FAT3: variants seen among roughly 807,000 people sequenced by gnomAD.
FAT3 encodes the protein FAT atypical cadherin 3.
A neutral mutation model predicts 310.2 loss-of-function variants in FAT3; 95 were observed. The observed-to-expected ratio is 0.31, with a 90% CI of 0.26 to 0.36. The LOEUF is 0.36. FAT3 is among the 10% of genes least tolerant of loss of function. The probability of loss-of-function intolerance (pLI) is 1.00; values close to 1 mark genes in which losing one functional copy is unlikely to be tolerated. For missense variants in FAT3, 5,408 were observed against 5,715.6 expected, an observed-to-expected ratio of 0.95 and a Z score of 1.74; for synonymous variants, 2,314 against 2,192.9, an observed-to-expected ratio of 1.06 and a Z score of -1.54.
intron 1 of FAT3, among the ~76,000 whole-genome samples, chr11:92,260,366 C>T (rs1865497584): frequency 2.0e-5 from 3 of 152,052 alleles, no homozygotes; most frequent in East Asian, 1.9e-4. Context: ...AAATTTTGCC[C>T]TATGGGGAAA....
intron 1 of FAT3, among the ~76,000 whole-genome samples, chr11:92,344,521 T>C (rs1031319522): frequency 1.3e-5 from 2 of 152,202 alleles, no homozygotes; most frequent in African/African-American, 2.4e-5. Context: ...AATTTTAATA[T>C]GCTGGAAAGA....
chr11:92,315,436 AGT>A (rs1352150374), intron 1 of FAT3, among the ~76,000 whole-genome samples: 1 of 129,776 alleles, frequency 7.7e-6, no homozygotes, highest in Non-Finnish European at 1.6e-5. Context: ...GTCAAACCTC[AGT>A]GTGTGTGTGT....
At chr11:92,332,370 C>T (rs1947944440) in intron 1 of FAT3, among the ~76,000 whole-genome samples, 1 of 152,188 alleles carries the variant, frequency 6.6e-6, no homozygotes, top group African/African-American at 2.4e-5. Flanking sequence ...AGAGCCTAGG[C>T]ATTGGAATTA....
chr11:92,789,945 A>T lies in FAT3; in HGVS notation c.4338A>T (p.Val1446=). 1 of 1,613,352 alleles carries T rather than the reference A, an allele frequency of 6.2e-7. No homozygotes were observed. The highest frequency in any genetic ancestry group is 1.3e-5 in the African/African-American group (1 of 75,018). Residue 1446 remains valine, a splice_region_variant and synonymous_variant, in exon 8 of 28, where the codon GTA becomes GTT. Transcript: ENST00000525166. ...TDGTNVAVTQ[V]FIKVLDNNDN... is the part of the protein sequence containing the mutation. ...TTCTTTTCTTCTTTTAACTACAGGT[A>T]TTTATCAAAGTGCTGGATAATAATG...
At chr11:92,339,784 C>T (rs1252869852) in intron 1 of FAT3, among the ~76,000 whole-genome samples, 1 of 151,902 alleles carries the variant, frequency 6.6e-6, no homozygotes, top group Non-Finnish European at 1.5e-5. Flanking sequence ...AGGCCAGTGT[C>T]GCTGGAAAGC....
At chr11:92,454,975 A>C (rs1951460247) in intron 2 of FAT3, among the ~76,000 whole-genome samples, 1 of 152,178 alleles carries the variant, frequency 6.6e-6, no homozygotes, top group Non-Finnish European at 1.5e-5. Flanking sequence ...GAGGTCCCAC[A>C]GTTGTTGGCT....
chr11:92,793,915 A>G (rs1203289191), intron 9 of FAT3, among the ~76,000 whole-genome samples: 3 of 152,178 alleles, frequency 2.0e-5, no homozygotes, highest in African/African-American at 7.2e-5. Flanking sequence ...AATTTTAGAA[A>G]AAGAAAAGCC....
Position 92,353,366 on chromosome 11 carries a change from G to A in FAT3, c.1254G>A (p.Val418=). 1 of 1,613,432 alleles carries A rather than the reference G, an allele frequency of 6.2e-7. No homozygotes were observed. Among genetic ancestry groups the A allele is most frequent in the Admixed American group, 1.7e-5 (1 of 59,868 alleles). The change falls in exon 2 of 28, where the codon GTG becomes GTA. Residue 418 remains valine (V), a synonymous_variant. Transcript: ENST00000525166. The part of the protein sequence containing the change: ...EYKLSPGEDA[V]YFKINPRSGL... ...AATTATCTCCTGGTGAGGATGCAGT[G>A]TACTTTAAAATTAATCCTCGGTCGG...
intron 3 of FAT3, among the ~76,000 whole-genome samples, chr11:92,570,866 G>A (rs1262424361): frequency 6.6e-6 from 1 of 152,098 alleles, no homozygotes; most frequent in Non-Finnish European, 1.5e-5. Flanking sequence ...TGATTTCAGT[G>A]TCAAAGTGTG....
At chr11:92,797,340 A>G (rs1393747007) in intron 9 of FAT3, among the ~76,000 whole-genome samples, 1 of 152,218 alleles carries the variant, frequency 6.6e-6, no homozygotes, top group African/African-American at 2.4e-5. Context: ...CTTTTGGGAT[A>G]ATCAGAAAAC....
chr11:92,325,912 G>A (rs534134727), intron 1 of FAT3, among the ~76,000 whole-genome samples: 1 of 152,356 alleles, frequency 6.6e-6, no homozygotes, highest in East Asian at 1.9e-4. Context: ...TTACAGGCAT[G>A]AGCCACCATA....
chr11:92,564,915 A>C (rs904142599), intron 3 of FAT3, among the ~76,000 whole-genome samples: 1 of 142,640 alleles, frequency 7.0e-6, no homozygotes, highest in African/African-American at 2.5e-5. Context: ...ATAGCACTAA[A>C]TGCCCACAAG....
In FAT3 at chr11:92,352,408, T is replaced by C. The variant is rs1468559059; in HGVS notation, c.296T>C (p.Ile99Thr). ...TTTTTCAAAGCAGAGGAAGTCATCA[T>C]TGCAGATTTCTGTTTTCTCAGAATA... ...EGFFKAEEVI[I>T]ADFCFLRIRT... Residue 99 changes from isoleucine (I) to threonine (T), a missense_variant, in exon 2 of 28, where the codon ATT becomes ACT. Ile to Thr is a moderately conservative substitution (Grantham distance 89). This residue lies in a region of FAT3 where 152 missense variants were observed against 188.3 expected (regional missense o/e 0.81). Transcript: ENST00000525166. 2.5e-6 allele frequency: 4 copies of C among 1,611,676 alleles called. No individual in the cohort carries two copies. The South Asian group carries it at 4.4e-5, about 18-fold the overall frequency.
chr11:92,233,268 T>A (rs991660103), intron 1 of FAT3, among the ~76,000 whole-genome samples: 1 of 152,204 alleles, frequency 6.6e-6, no homozygotes, highest in African/African-American at 2.4e-5. Context: ...TAAGATTTTT[T>A]AATTCCTCAT....
rs2136408849 is a variant in FAT3 at position 92,882,821 on chromosome 11, G to A, written c.12365G>A (p.Cys4122Tyr). The A allele has an allele frequency of 6.2e-7, 1 of 1,611,764 alleles. No homozygotes were observed. Among genetic ancestry groups the A allele is most frequent in the Non-Finnish European group, 8.5e-7 (1 of 1,179,220 alleles). ...GTGAACGTGTTCGGCTCCTTCCTCT[G>A]CAACTGCACGCCGGGCTACGTGGGC... ...SCVNVFGSFL[C>Y]NCTPGYVGQY... The change falls in exon 24 of 28, where the codon TGC (cysteine) becomes TAC (tyrosine). Residue 4122 changes from cysteine to tyrosine, a missense_variant. By Grantham distance (194) the Cys-to-Tyr change is radical. Transcript: ENST00000525166.
At chr11:92,430,769 T>TG (rs899165030) in intron 2 of FAT3, among the ~76,000 whole-genome samples, 1 of 151,682 alleles carries the variant, frequency 6.6e-6, no homozygotes, top group Non-Finnish European at 1.5e-5. Flanking sequence ...TGTTTGGTTT[T>TG]TTGTCCTTGC....
Position 92,799,386 on chromosome 11 carries a change from G to A in FAT3, c.6373G>A (p.Asp2125Asn). The A allele has an allele frequency of 6.2e-7, 1 of 1,613,750 alleles. No homozygotes were observed. ...PNGEVTYVLQ[D>N]DYGHFEINPN... ...TGGAGAAGTGACCTATGTCCTGCAG[G>A]ATGACTATGGCCACTTTGAAATTAA... The change falls in exon 10 of 28, where the codon GAT (aspartate) becomes AAT (asparagine). Residue 2125 changes from aspartate to asparagine, a missense_variant. Asp to Asn is a conservative substitution (Grantham distance 23, BLOSUM62 1). Coordinates refer to ENST00000525166, the MANE Select transcript of FAT3 (RefSeq NM_001367949.2).
In FAT3 at chr11:92,835,041, C is replaced by CGGTT; in HGVS notation, c.10044_10047dup (p.Ile3350GlyfsTer4). Reference sequence around the variant, plus strand: ...AAGTTCAGCCAAGACGTCTACAGTGCGGTTATCAGTGAAGACGCCTTGGTG... The same window carrying CGGTT: ...AAGTTCAGCCAAGACGTCTACAGTGCGGTTGGTTATCAGTGAAGACGCCTTGGTG... On this transcript the variant is annotated frameshift_variant, in exon 15 of 28. Coordinates refer to ENST00000525166, the MANE Select transcript of FAT3 (RefSeq NM_001367949.2). LOFTEE classifies it high-confidence loss of function. 1 of 1,613,494 alleles carries CGGTT rather than the reference C, an allele frequency of 6.2e-7. No homozygotes were observed. Among genetic ancestry groups the CGGTT allele is most frequent in the East Asian group, 2.2e-5 (1 of 44,870 alleles).
At chr11:92,618,945 A>G (rs1940951206) in intron 3 of FAT3, among the ~76,000 whole-genome samples, 1 of 152,074 alleles carries the variant, frequency 6.6e-6, no homozygotes, top group African/African-American at 2.4e-5. Context: ...TGGATTAAGT[A>G]TTTTACCACT....
Sources: allele counts gnomAD v4.1 joint callset (sites outside exome capture counted in the v4.1 genomes callset), GRCh38; gene constraint gnomAD v4.1.1; regional missense constraint gnomAD v4.1.1; transcripts MANE v1.5; gene names NCBI Gene and HGNC (gene_info 2026-07-23, HGNC 2026-07-21).